CACNG5: variants seen among roughly 807,000 people sequenced by gnomAD.
CACNG5 encodes voltage-dependent calcium channel gamma-5 subunit.
Under a neutral mutation model 24.8 loss-of-function variants are expected in CACNG5, and 18 were observed. The ratio of observed to expected loss-of-function variants is 0.73; its 90% CI spans 0.50 to 1.08. The LOEUF is 1.08. CACNG5 is among the 50% of genes least tolerant of loss of function. CACNG5 has a pLI of 0.00. For synonymous variants in CACNG5, 157 were observed against 149.1 expected, an observed-to-expected ratio of 1.05 and a Z score of -0.39; for missense variants, 349 against 367.9, an observed-to-expected ratio of 0.95 and a Z score of 0.42.
intron 1 of CACNG5, among the ~76,000 whole-genome samples, chr17:66,837,569 C>A (rs1253883278): frequency 6.6e-6 from 1 of 152,204 alleles, no homozygotes; most frequent in Non-Finnish European, 1.5e-5. Flanking sequence ...CAGGACAACC[C>A]CTGCCCACCA....
At chr17:66,864,265 C>T (rs890721995) in intron 1 of CACNG5, among the ~76,000 whole-genome samples, 3 of 152,120 alleles carry the variant, frequency 2.0e-5, no homozygotes, top group African/African-American at 2.4e-5. Flanking sequence ...CTTCCCAGAC[C>T]CCCATTTGAA....
intron 2 of CACNG5, among the ~76,000 whole-genome samples, 155 bp downstream of exon 2, chr17:66,877,683 G>A (rs1292364148): frequency 1.3e-5 from 2 of 152,124 alleles, no homozygotes; most frequent in Non-Finnish European, 2.9e-5. Context: ...TGCAGTGACT[G>A]GGACCCCATT....
chr17:66,884,769 C>A, intron 5 of CACNG5, 108 bp downstream of exon 5: 1 of 1,613,594 alleles, frequency 6.2e-7, no homozygotes, highest in Non-Finnish European at 8.5e-7. Flanking sequence ...CATTTTGGAC[C>A]CCGGACCACC....
rs113940947 is a variant in CACNG5, at chr17:66,849,364, A to T, written c.-104+14114A>T. On this transcript the variant is annotated intron_variant, in intron 1 of 5. Coordinates refer to ENST00000533854, the MANE Select transcript of CACNG5 (RefSeq NM_145811.3). ...AGGGGCAGAGGAGGAGGAGGCCAGC[A>T]GGCCCGATGGAGCCAGCCCAGGAAG... Among the ~76,000 whole-genome samples the T allele has an allele frequency of 3.8e-3, 584 of 151,990 alleles. 3 individuals are homozygous for T. Among genetic ancestry groups the T allele is most frequent in the African/African-American group, 0.014 (563 of 41,482 alleles).
intron 1 of CACNG5, among the ~76,000 whole-genome samples, chr17:66,837,425 C>G (rs1449025886): frequency 6.6e-6 from 1 of 152,208 alleles, no homozygotes; most frequent in African/African-American, 2.4e-5. Flanking sequence ...CCATTGGTGT[C>G]CTGGGCCCAC....
rs907516649 is a variant in CACNG5 at position 66,887,614 on chromosome 17, C to T, written c.*2374C>T. On this transcript the variant is annotated 3_prime_UTR_variant, in exon 6 of 6. Coordinates refer to ENST00000533854, the MANE Select transcript of CACNG5 (RefSeq NM_145811.3). ...TATCAATGTAATTAGCTCCTAATTG[C>T]ACTTTTCTCTCTCTAGAACACTCTT... Among the ~76,000 whole-genome samples, 4 of 152,064 alleles carry T rather than the reference C, an allele frequency of 2.6e-5. No individual in the cohort carries two copies. Among genetic ancestry groups the T allele is most frequent in the African/African-American group, 7.3e-5 (3 of 41,374 alleles).
chr17:66,849,376 G>A (rs574575402), intron 1 of CACNG5, among the ~76,000 whole-genome samples: 2 of 151,958 alleles, frequency 1.3e-5, no homozygotes, highest in African/African-American at 2.4e-5. Context: ...GCCCGATGGA[G>A]CCAGCCCAGG....
chr17:66,848,579 C>A (rs1267237081), intron 1 of CACNG5, among the ~76,000 whole-genome samples: 4 of 152,216 alleles, frequency 2.6e-5, no homozygotes, highest in African/African-American at 9.7e-5. Flanking sequence ...GCTGATGGGA[C>A]CATTTGCACC....
chr17:66,891,199 A>G lies in CACNG5; in HGVS notation c.*5959A>G, dbSNP rs1435614285. On this transcript the variant is annotated 3_prime_UTR_variant, in exon 6 of 6. Transcript: ENST00000533854. ...CCCAGAAGCAACCCCAGCAGACTTC[A>G]TGTCATGTCTCATTGGCCAAAACCA... is the stretch of plus-strand genomic sequence containing the variant. Among the ~76,000 whole-genome samples, 1 of 152,212 alleles carries G rather than the reference A, an allele frequency of 6.6e-6. No homozygotes were observed. The highest frequency in any genetic ancestry group is 2.4e-5 in the African/African-American group (1 of 41,472).
At position 66,893,252 on chromosome 17, in the gene CACNG5, GAAAT is replaced by G. The variant is rs1977369418; in HGVS notation, c.*8015_*8018del. ...AAATGTACCCTCTTCTATAATCAGA[GAAAT>G]AATCCAGGTTCCCATCCAAAGATAA... On this transcript the variant is annotated 3_prime_UTR_variant, in exon 6 of 6. Transcript: ENST00000533854. Among the ~76,000 whole-genome samples the G allele has an allele frequency of 6.6e-6, 1 of 152,144 alleles. No individual in the cohort carries two copies. The highest frequency in any genetic ancestry group is 1.5e-5 in the Non-Finnish European group (1 of 68,030).
rs183091488 is a variant in CACNG5 at position 66,846,049 on chromosome 17, T to C, written c.-104+10799T>C. 4.7e-3 allele frequency among the ~76,000 whole-genome samples: 710 copies of C among 152,368 alleles called. 4 individuals carry two copies. The highest frequency in any genetic ancestry group is 7.7e-3 in the Non-Finnish European group (523 of 68,032). On this transcript the variant is annotated intron_variant, in intron 1 of 5. Coordinates refer to ENST00000533854, the MANE Select transcript of CACNG5 (RefSeq NM_145811.3). ...GTAGCTGAGAGAGGCTGGTGTTTAC[T>C]GAGCCGTTACTTCATGGCCCACTCT...
At chr17:66,850,057 C>T (rs909563460) in intron 1 of CACNG5, among the ~76,000 whole-genome samples, 1 of 152,240 alleles carries the variant, frequency 6.6e-6, no homozygotes, top group Non-Finnish European at 1.5e-5. Flanking sequence ...CAGCAGATCA[C>T]AAAGGGGTCA....
Position 66,890,806 on chromosome 17 carries a change from C to G in CACNG5, c.*5566C>G, listed in dbSNP as rs1598068796. ...AGGCTCTATCCCCAGACTCTATACC[C>G]AACTCTAGAGGCTGTAAGTTTTACA... On this transcript the variant is annotated 3_prime_UTR_variant, in exon 6 of 6. Coordinates refer to ENST00000533854, the MANE Select transcript of CACNG5 (RefSeq NM_145811.3). Among the ~76,000 whole-genome samples, 1 of 152,310 alleles carries G rather than the reference C, an allele frequency of 6.6e-6. No homozygotes were observed. The highest frequency in any genetic ancestry group is 1.5e-5 in the Non-Finnish European group (1 of 68,024).
At chr17:66,879,635 A>C (rs1172406771) in intron 3 of CACNG5, among the ~76,000 whole-genome samples, 1 of 152,192 alleles carries the variant, frequency 6.6e-6, no homozygotes, top group Admixed American at 6.5e-5. Flanking sequence ...AATCAGGACC[A>C]GCTAGATGAA....
At chr17:66,894,744 GCATTATATATGCATCTCTCTTTCT>G (rs1448173380) in exon 6 of CACNG5, among the ~76,000 whole-genome samples, 1 of 152,054 alleles carries the variant, frequency 6.6e-6, no homozygotes, top group African/African-American at 2.4e-5. Context: ...AAAGGGTACT[GCATTATATATGCATCTCTCTTTCT>G]CACTTTTTCA....
rs538782895 is a variant in CACNG5, at chr17:66,889,637, C to T, written c.*4397C>T. Among the ~76,000 whole-genome samples, 9 of 152,142 alleles carry T rather than the reference C, an allele frequency of 5.9e-5. No homozygotes were observed. Among genetic ancestry groups the T allele is most frequent in the African/African-American group, 1.2e-4 (5 of 41,430 alleles). ...GCAGAGGCTGGTTGGGCTGGAGACC[C>T]GGTGAGGACTTGCAGTTCAAGTCCA... On this transcript the variant is annotated 3_prime_UTR_variant, in exon 6 of 6. Coordinates refer to ENST00000533854, the MANE Select transcript of CACNG5 (RefSeq NM_145811.3).
intron 1 of CACNG5, among the ~76,000 whole-genome samples, chr17:66,868,162 C>A: frequency 6.6e-6 from 1 of 152,176 alleles, no homozygotes; most frequent in East Asian, 1.9e-4. Context: ...TTGTTAAGAG[C>A]AGTGACCCTT....
In CACNG5 at chr17:66,886,446, A is replaced by G. The variant is rs745431205; in HGVS notation, c.*1206A>G. 4.6e-5 allele frequency among the ~76,000 whole-genome samples: 7 copies of G among 152,100 alleles called. No individual in the cohort carries two copies. Among genetic ancestry groups the G allele is most frequent in the Non-Finnish European group, 1.0e-4 (7 of 68,018 alleles). The stretch of plus-strand genomic sequence containing the variant: ...GTGACACCCATTCTTCTGGTGGGAA[A>G]CCGGAGCCAGGAGGGTTTCAATTAC... On this transcript the variant is annotated 3_prime_UTR_variant, in exon 6 of 6. Transcript: ENST00000533854.
At chr17:66,848,140 AG>A (rs1456577840) in intron 1 of CACNG5, among the ~76,000 whole-genome samples, 2 of 152,132 alleles carry the variant, frequency 1.3e-5, no homozygotes, top group African/African-American at 4.8e-5. Flanking sequence ...TGCCGGTAGC[AG>A]GGGTCTTGAT....
Sources: gnomAD v4.1 joint callset for allele counts (sites outside exome capture counted in the v4.1 genomes callset) on GRCh38, gnomAD v4.1.1 for gene constraint, MANE v1.5 for transcripts, NCBI Gene and HGNC (gene_info 2026-07-23, HGNC 2026-07-21) for gene names.